EPHB1: variants seen among roughly 807,000 people sequenced by gnomAD.
EPHB1 encodes the protein EPH receptor B1, also known as ephrin type-B receptor 1.
EPHB1 carries 30 observed loss-of-function variants against 94.4 expected under a neutral mutation model. That is an observed-to-expected ratio of 0.32 (90% CI 0.24 to 0.43). The LOEUF (loss-of-function observed/expected upper bound fraction) is 0.43. Ranked by LOEUF, EPHB1 falls within the 20% of genes least tolerant of loss-of-function variation. The probability of loss-of-function intolerance (pLI) is 1.00; values close to 1 mark genes in which losing one functional copy is unlikely to be tolerated. For synonymous variants in EPHB1, 522 were observed against 489.1 expected, an observed-to-expected ratio of 1.07 and a Z score of -0.89; for missense variants, 1,055 against 1,308.3, an observed-to-expected ratio of 0.81 and a Z score of 2.99.
chr3:135,052,060 T>C (rs983273662), intron 3 of EPHB1, among the ~76,000 whole-genome samples: 3 of 152,214 alleles, frequency 2.0e-5, no homozygotes, highest in African/African-American at 4.8e-5. Flanking sequence ...ACTTTGTCAG[T>C]ATAATGTTAA....
chr3:135,155,687 G>T (rs1204063960), intron 6 of EPHB1, among the ~76,000 whole-genome samples: 1 of 143,558 alleles, frequency 7.0e-6, no homozygotes, highest in African/African-American at 2.8e-5. Context: ...CTACTCGGGA[G>T]GCTGAGGCTA....
At position 134,811,242 on chromosome 3, in the gene EPHB1, G is replaced by GTTTTTTTTTTTTTTTTTTTTTTTT. The variant is rs397966930; in HGVS notation, c.58+15574_58+15575insTTTTTTTTTTTTTTTTTTTTTTTT. On this transcript the variant is annotated intron_variant, in intron 1 of 15. Coordinates refer to ENST00000398015, the MANE Select transcript of EPHB1 (RefSeq NM_004441.5). ...TCTCATAGTTGCCCCTACTAAGAAG[G>GTTTTTTTTTTTTTTTTTTTTTTTT]TTTTTTTTTTTTTTTTTTTTTCTGT... Among the ~76,000 whole-genome samples the GTTTTTTTTTTTTTTTTTTTTTTTT allele has an allele frequency of 3.0e-3, 225 of 73,862 alleles. 62 individuals are homozygous for GTTTTTTTTTTTTTTTTTTTTTTTT. The highest frequency in any genetic ancestry group is 5.1e-3 in the Non-Finnish European group (184 of 36,380). The allele number at this position is 73,862 out of a possible 152,430, so 48.5% of individuals were successfully genotyped here.
intron 1 of EPHB1, among the ~76,000 whole-genome samples, chr3:134,811,242 G>GTTTTTTTTTTTTTTTTGTTTTT (rs2036169327): frequency 1.4e-5 from 1 of 73,850 alleles, no homozygotes; most frequent in Non-Finnish European, 2.7e-5. Flanking sequence ...TACTAAGAAG[G>GTTTTTTTTTTTTTTTTGTTTTT]TTTTTTTTTT....
intron 3 of EPHB1, among the ~76,000 whole-genome samples, chr3:135,019,143 C>T (rs530385253): frequency 9.9e-5 from 15 of 152,252 alleles, no homozygotes; most frequent in South Asian, 4.1e-4. Context: ...CCTCAGACCC[C>T]GAGCCTTTAG....
chr3:135,204,963 G>T (rs1576467754), intron 12 of EPHB1, among the ~76,000 whole-genome samples: 1 of 109,512 alleles, frequency 9.1e-6, no homozygotes, highest in Non-Finnish European at 1.7e-5. Context: ...CCCAACCTCT[G>T]GTAACCATCC....
At chr3:135,054,765 A>C (rs1937298517) in intron 3 of EPHB1, among the ~76,000 whole-genome samples, 1 of 152,216 alleles carries the variant, frequency 6.6e-6, no homozygotes, top group Non-Finnish European at 1.5e-5. Context: ...CATTCCTTAT[A>C]AACTCAAATT....
At chr3:134,991,343 C>A (rs1030750740) in intron 3 of EPHB1, among the ~76,000 whole-genome samples, 29 of 152,178 alleles carry the variant, frequency 1.9e-4, no homozygotes, top group Admixed American at 1.9e-3. Context: ...GATGCACTAT[C>A]ACTGTCTTCT....
intron 3 of EPHB1, among the ~76,000 whole-genome samples, chr3:135,105,931 T>C (rs1169526012): frequency 6.6e-6 from 1 of 152,220 alleles, no homozygotes; most frequent in Non-Finnish European, 1.5e-5. Context: ...TAGCAAGAGC[T>C]TGTTAATACA....
At chr3:135,152,045 G>T (rs186542439) in intron 5 of EPHB1, among the ~76,000 whole-genome samples, 1 of 152,182 alleles carries the variant, frequency 6.6e-6, no homozygotes, top group Non-Finnish European at 1.5e-5. Context: ...AGTGGAAAGA[G>T]AATTGGATTC....
chr3:135,030,179 A>G (rs1200801924), intron 3 of EPHB1, among the ~76,000 whole-genome samples: 7 of 151,992 alleles, frequency 4.6e-5, no homozygotes, highest in Admixed American at 1.3e-4. Flanking sequence ...ATTTCCTCCC[A>G]TAGCTCAGAG....
chr3:135,052,890 A>AAAAAATATAT (rs1553726757), intron 3 of EPHB1, among the ~76,000 whole-genome samples: 3 of 54,614 alleles, frequency 5.5e-5, no homozygotes, highest in African/African-American at 1.1e-4. Flanking sequence ...AAAAAAAAAA[A>AAAAAATATAT]ATATATATAT....
At chr3:135,012,373 C>T (rs373158761) in intron 3 of EPHB1, among the ~76,000 whole-genome samples, 1 of 152,190 alleles carries the variant, frequency 6.6e-6, no homozygotes, top group South Asian at 2.1e-4. Flanking sequence ...TGGAATAGCA[C>T]ATGGTGGCAG....
At chr3:135,152,029 T>C (rs1378927858) in intron 5 of EPHB1, among the ~76,000 whole-genome samples, 11 of 152,244 alleles carry the variant, frequency 7.2e-5, no homozygotes, top group Non-Finnish European at 1.0e-4. Context: ...TCTTTGCTGC[T>C]CAAATAGTGG....
At chr3:134,908,336 A>T (rs2038379544) in intron 1 of EPHB1, among the ~76,000 whole-genome samples, 1 of 152,192 alleles carries the variant, frequency 6.6e-6, no homozygotes. Context: ...ATTCTGAGTG[A>T]TAGAGGGGCT....
chr3:135,230,451 G>C (rs1943506030), intron 12 of EPHB1, among the ~76,000 whole-genome samples: 2 of 152,158 alleles, frequency 1.3e-5, no homozygotes, highest in Non-Finnish European at 2.9e-5. Flanking sequence ...GAGTCCAGTT[G>C]CTCTTTCTCC....
At position 135,072,635 on chromosome 3, in the gene EPHB1, G is replaced by A. The variant is rs370970933; in HGVS notation, c.806-33813G>A. Among the ~76,000 whole-genome samples the A allele has an allele frequency of 2.0e-3, 297 of 152,278 alleles. 4 individuals carry two copies. Among genetic ancestry groups the A allele is most frequent in the African/African-American group, 6.9e-3 (288 of 41,546 alleles). ...CACATGTCACTGCCTCAGGGCCTTT[G>A]CACATGTCACTTCCTCTGCCTCAAA... On this transcript the variant is annotated intron_variant, in intron 3 of 15. Coordinates refer to ENST00000398015, the MANE Select transcript of EPHB1 (RefSeq NM_004441.5).
intron 2 of EPHB1, among the ~76,000 whole-genome samples, chr3:134,938,554 A>T (rs2039054795): frequency 1.3e-5 from 2 of 152,352 alleles, no homozygotes; most frequent in South Asian, 4.1e-4. Flanking sequence ...CCAAGCACGC[A>T]TATATCAATG....
intron 9 of EPHB1, among the ~76,000 whole-genome samples, chr3:135,171,101 T>A (rs1425583744): frequency 6.6e-6 from 1 of 152,158 alleles, no homozygotes; most frequent in Non-Finnish European, 1.5e-5. Context: ...GAGAGATGAT[T>A]AAGCAGATGA....
chr3:135,182,535 A>G (rs1559864925), intron 10 of EPHB1, among the ~76,000 whole-genome samples: 1 of 152,216 alleles, frequency 6.6e-6, no homozygotes. Context: ...GGCCAGTAAC[A>G]GTTAATTATT....
Sources: allele counts gnomAD v4.1 joint callset (sites outside exome capture counted in the v4.1 genomes callset), GRCh38; gene constraint gnomAD v4.1.1; transcripts MANE v1.5; gene names NCBI Gene and HGNC (gene_info 2026-07-23, HGNC 2026-07-21).